The following MED9 variants were observed in gnomAD, a reference collection of about 807,000 sequenced individuals.
The protein encoded by MED9 is mediator of RNA polymerase II transcription subunit 9.
In MED9, 8 loss-of-function variants were observed where a neutral mutation model predicts 13.2. The observed-to-expected ratio is 0.61, with a 90% CI of 0.36 to 1.10. The LOEUF (loss-of-function observed/expected upper bound fraction) is 1.10, where lower values mean the gene tolerates loss of function less well. Ranked by LOEUF, MED9 falls within the 50% of genes least tolerant of loss-of-function variation. The pLI, the probability that MED9 is intolerant of heterozygous loss-of-function variation, is 0.02. For missense variants in MED9, 180 were observed against 193.4 expected (o/e 0.93, Z 0.41); for synonymous variants, 87 against 82.8 (o/e 1.05, Z -0.28).
intron 1 of MED9, among the ~76,000 whole-genome samples, chr17:17,482,517 GT>G (rs1336629721): frequency 4.6e-5 from 7 of 152,244 alleles, no homozygotes; most frequent in African/African-American, 1.4e-4. Context: ...GAAATAATGT[GT>G]GTCAAATGTA....
Position 17,483,065 on chromosome 17 carries a change from C to T in MED9, c.224+5800C>T, listed in dbSNP as rs1169784109. Among the ~76,000 whole-genome samples the T allele has an allele frequency of 6.6e-6, 1 of 152,154 alleles. No individual in the cohort carries two copies. The highest frequency in any genetic ancestry group is 1.5e-5 in the Non-Finnish European group (1 of 68,036). On this transcript the variant is annotated intron_variant, in intron 1 of 1. Coordinates refer to ENST00000268711, the MANE Select transcript of MED9 (RefSeq NM_018019.3). The surrounding 1 kb of genome is among the most constrained non-coding windows in gnomAD (Gnocchi z 4.2). Reference sequence around the variant, plus strand: ...CCTTTCCCGTGGAGTTTTCTAGCAGCCTGCCTGATGCTAGATCATGATGCT... The same window carrying T: ...CCTTTCCCGTGGAGTTTTCTAGCAGTCTGCCTGATGCTAGATCATGATGCT...
chr17:17,484,829 C>T (rs530889102), intron 1 of MED9, among the ~76,000 whole-genome samples: 1 of 152,200 alleles, frequency 6.6e-6, no homozygotes, highest in South Asian at 2.1e-4. Context: ...CGAGTCAGCA[C>T]TTCCTTAGTG....
chr17:17,485,603 A>C, intron 1 of MED9: 1 of 345,862 alleles, frequency 2.9e-6, no homozygotes, highest in East Asian at 4.2e-5. Context: ...TAGAGTGTGT[A>C]GGTGGGACTG....
In MED9 at chr17:17,492,480, C is replaced by T. The variant is rs1488852344; in HGVS notation, c.*985C>T. 1 of 151,994 alleles carries T rather than the reference C, an allele frequency of 6.6e-6. No individual in the cohort carries two copies. 9.4% of individuals were successfully genotyped at this position (151,994 alleles called of 1,614,324 possible). A position where few individuals can be genotyped will look rare whatever the true frequency, so the allele number is the denominator to read the frequency against. On this transcript the variant is annotated 3_prime_UTR_variant, in exon 2 of 2. Coordinates refer to ENST00000268711, the MANE Select transcript of MED9 (RefSeq NM_018019.3). ...AGAGAGGCAACCCTGGGGGCCAGTT[C>T]AGGTGGTCCCCAACCATAAGCTAGG...
chr17:17,477,741 A>G (rs947538263), intron 1 of MED9: 4 of 154,420 alleles, frequency 2.6e-5, no homozygotes, highest in African/African-American at 9.6e-5. Context: ...AAAAGACATG[A>G]TTGGGAATAA....
chr17:17,480,889 A>C (rs1397006770), intron 1 of MED9, among the ~76,000 whole-genome samples: 3 of 152,082 alleles, frequency 2.0e-5, no homozygotes, highest in Non-Finnish European at 4.4e-5. Context: ...GGGAGAGGAG[A>C]CCTCGTGAAG....
At chr17:17,478,525 A>G (rs575642360) in intron 1 of MED9, among the ~76,000 whole-genome samples, 1 of 152,222 alleles carries the variant, frequency 6.6e-6, no homozygotes, top group Admixed American at 6.5e-5. Flanking sequence ...TTGTTCTCAC[A>G]TTAGACCCTG....
intron 1 of MED9, among the ~76,000 whole-genome samples, chr17:17,488,912 T>C (rs1352202809): frequency 6.6e-6 from 1 of 152,226 alleles, no homozygotes; most frequent in South Asian, 2.1e-4. Flanking sequence ...GTTTGTACGA[T>C]GTTCATCCTC....
chr17:17,477,444 C>T, intron 1 of MED9, 179 bp downstream of exon 1: 1 of 653,420 alleles, frequency 1.5e-6, no homozygotes, highest in South Asian at 2.2e-5. Flanking sequence ...ATGAGTTAAG[C>T]AAACGATTTG....
chr17:17,487,624 C>T (rs946907550), intron 1 of MED9: 14 of 174,442 alleles, frequency 8.0e-5, no homozygotes, highest in Non-Finnish European at 1.4e-4. Flanking sequence ...AGACTTCAGA[C>T]GCGCCACCTT....
At chr17:17,480,253 C>T (rs576946657) in intron 1 of MED9, among the ~76,000 whole-genome samples, 3 of 151,980 alleles carry the variant, frequency 2.0e-5, no homozygotes, top group African/African-American at 4.8e-5. Flanking sequence ...AGACACCACC[C>T]GAGCCTTCCC....
At chr17:17,486,989 C>T (rs1439186202) in intron 1 of MED9, 5 of 151,474 alleles carry the variant, frequency 3.3e-5, no homozygotes, top group African/African-American at 1.2e-4. Context: ...ATTGTAAATA[C>T]ACCAATCGGC....
intron 1 of MED9, among the ~76,000 whole-genome samples, chr17:17,478,698 AAC>A (rs1904971883): frequency 6.6e-6 from 1 of 152,086 alleles, no homozygotes; most frequent in South Asian, 2.1e-4. Context: ...CTCTACTAAA[AAC>A]ACAAAAATTA....
intron 1 of MED9, among the ~76,000 whole-genome samples, chr17:17,480,801 T>G (rs1294843109): frequency 3.9e-5 from 6 of 152,008 alleles, no homozygotes; most frequent in Admixed American, 1.3e-4. Flanking sequence ...GAGGCTAGGA[T>G]CCAACCTGCA....
chr17:17,484,360 G>A (rs982141404), intron 1 of MED9, among the ~76,000 whole-genome samples: 5 of 152,260 alleles, frequency 3.3e-5, no homozygotes, highest in South Asian at 2.1e-4. Flanking sequence ...TGATGAGCAC[G>A]CTGTCTGGCC....
In MED9 at chr17:17,483,516, G is replaced by A. The variant is rs948229176; in HGVS notation, c.224+6251G>A. On this transcript the variant is annotated intron_variant, in intron 1 of 1. Transcript: ENST00000268711. This position sits in a 1 kb window ranked among gnomAD's most constrained non-coding sequence, Gnocchi z 4.2. ...CTCCTGTACCCCCAGGGACCCACCTGGTTCTGGGAGTGCTCTGGCTGGGAC... is the reference window on the plus strand; with the variant it reads ...CTCCTGTACCCCCAGGGACCCACCTAGTTCTGGGAGTGCTCTGGCTGGGAC... Among the ~76,000 whole-genome samples, 2 of 152,238 alleles carry A rather than the reference G, an allele frequency of 1.3e-5. No homozygotes were observed. The highest frequency in any genetic ancestry group is 3.8e-4 in the East Asian group (2 of 5,202).
At chr17:17,484,399 G>T (rs192490173) in intron 1 of MED9, among the ~76,000 whole-genome samples, 1 of 152,364 alleles carries the variant, frequency 6.6e-6, no homozygotes. Flanking sequence ...CGCTTCAGCA[G>T]GTCAGCAAGA....
At chr17:17,491,127 T>TG in intron 1 of MED9, 152 bp from the exon 2 acceptor site, 2 of 717,140 alleles carry the variant, frequency 2.8e-6, no homozygotes, top group East Asian at 2.7e-5. Context: ...CCCTGCCCTC[T>TG]GGGGGTGGAC....
chr17:17,477,399 G>A, intron 1 of MED9, 134 bp downstream of exon 1: 1 of 997,356 alleles, frequency 1.0e-6, no homozygotes, highest in Non-Finnish European at 1.4e-6. Flanking sequence ...ACCCAGAGCG[G>A]GAAGAGGCCT....
Sources: gnomAD v4.1 joint callset for allele counts (sites outside exome capture counted in the v4.1 genomes callset) on GRCh38, gnomAD v4.1.1 for gene constraint, Gnocchi (gnomAD v3.1) non-coding constraint, MANE v1.5 for transcripts, NCBI Gene and HGNC (gene_info 2026-07-23, HGNC 2026-07-21) for gene names.